OPRM1: variants seen among roughly 807,000 people sequenced by gnomAD.
OPRM1 encodes the protein mu-type opioid receptor.
A neutral mutation model predicts 31.8 loss-of-function variants in OPRM1; 27 were observed. The observed-to-expected ratio is 0.85, with a 90% CI of 0.63 to 1.17. The LOEUF is 1.17. OPRM1 is among the 50% of genes most tolerant of loss of function. The probability of loss-of-function intolerance (pLI) is 0.00; values close to 1 mark genes in which losing one functional copy is unlikely to be tolerated. For missense variants in OPRM1, 536 were observed against 511.1 expected (o/e 1.05, Z -0.47); for synonymous variants, 196 against 189.9 (o/e 1.03, Z -0.26).
rs200778856 is a variant in OPRM1 at position 154,118,741 on chromosome 6, G to A, written c.*20G>A. The A allele has an allele frequency of 2.0e-5, 32 of 1,612,422 alleles. No individual in the cohort carries two copies. In the East Asian group the frequency reaches 4.5e-4, roughly 22 times the overall value. ...CCCTAACAGGGTCTCATGCCATTCCGACCTTCACCAAGCTTAGAAGCCACC... is the reference window on the plus strand; with the variant it reads ...CCCTAACAGGGTCTCATGCCATTCCAACCTTCACCAAGCTTAGAAGCCACC... On this transcript the variant is annotated 3_prime_UTR_variant, in exon 4 of 4. Transcript: ENST00000330432.
intron 1 of OPRM1, among the ~76,000 whole-genome samples, chr6:154,023,490 T>C (rs1483833159): frequency 6.6e-6 from 1 of 152,192 alleles, no homozygotes; most frequent in East Asian, 1.9e-4. Context: ...GATCATATAA[T>C]CTGTAAACAA....
chr6:154,167,149 G>A (rs959837351), intron 3 of OPRM1, among the ~76,000 whole-genome samples: 2 of 152,176 alleles, frequency 1.3e-5, no homozygotes, highest in Non-Finnish European at 2.9e-5. Flanking sequence ...TTCACTTACA[G>A]AATCTATCAA....
At chr6:154,166,843 G>A (rs981177343) in intron 3 of OPRM1, among the ~76,000 whole-genome samples, 18 of 152,114 alleles carry the variant, frequency 1.2e-4, no homozygotes, top group African/African-American at 3.6e-4. Context: ...CATCAGCTTC[G>A]TACATACTGT....
chr6:154,072,614 T>C (rs1194155052), intron 1 of OPRM1, among the ~76,000 whole-genome samples: 1 of 152,150 alleles, frequency 6.6e-6, no homozygotes, highest in Non-Finnish European at 1.5e-5. Context: ...TATAAAGCAA[T>C]AAATCAATGG....
intron 1 of OPRM1, among the ~76,000 whole-genome samples, chr6:154,043,537 GTATATA>G (rs150929749): frequency 1.0e-4 from 14 of 135,986 alleles, no homozygotes; most frequent in Admixed American, 2.8e-4. Context: ...GTGTGTGTGT[GTATATA>G]TATATATATA....
chr6:154,065,109 A>G (rs1785117155), intron 1 of OPRM1, among the ~76,000 whole-genome samples: 1 of 151,958 alleles, frequency 6.6e-6, no homozygotes. Context: ...TTTCCAATCC[A>G]TGAACATGGG....
rs368335458 is a variant in OPRM1 at position 154,212,295 on chromosome 6, G to A, written c.1165-34398G>A. 4.6e-5 allele frequency among the ~76,000 whole-genome samples: 7 copies of A among 152,174 alleles called. No individual in the cohort carries two copies. In the South Asian group the frequency reaches 8.3e-4, roughly 18 times the overall value. ...TTCCTCTCTAGTGAATACACAAATC[G>A]CTCCATGTGCACTTTTAATGCACTA... On this transcript the variant is annotated intron_variant, in intron 3 of 3. Transcript: ENST00000337049.
intron 3 of OPRM1, among the ~76,000 whole-genome samples, chr6:154,152,350 A>AAGAAAGAAAGAAAGAAAG (rs1404771376): frequency 6.9e-6 from 1 of 145,186 alleles, no homozygotes; most frequent in Non-Finnish European, 1.5e-5. Context: ...AAAGAAAGGA[A>AAGAAAGAAAGAAAGAAAG]AGAAAGAAAG....
chr6:154,066,924 G>C (rs1376213964), intron 1 of OPRM1, among the ~76,000 whole-genome samples: 1 of 152,092 alleles, frequency 6.6e-6, no homozygotes, highest in African/African-American at 2.4e-5. Context: ...TACGAACTTG[G>C]TCATTTCATC....
chr6:154,158,542 C>G (rs951712025), intron 3 of OPRM1: 1 of 152,090 alleles, frequency 6.6e-6, no homozygotes, highest in African/African-American at 2.4e-5. Flanking sequence ...GAGTGACTTA[C>G]AAGAGATAGA....
At chr6:154,148,052 C>T (rs1382549421) in intron 3 of OPRM1, among the ~76,000 whole-genome samples, 1 of 152,190 alleles carries the variant, frequency 6.6e-6, no homozygotes, top group Admixed American at 6.5e-5. Flanking sequence ...CTTCAAGAGA[C>T]TTTTTCAAGG....
At chr6:154,053,229 T>G (rs1021236126) in intron 1 of OPRM1, among the ~76,000 whole-genome samples, 3 of 152,196 alleles carry the variant, frequency 2.0e-5, no homozygotes, top group Non-Finnish European at 4.4e-5. Context: ...TCTTCAATCT[T>G]TTGGAAGCTT....
chr6:154,119,433 T>C lies in OPRM1; in HGVS notation c.*712T>C. 1 of 985,456 alleles carries C rather than the reference T, an allele frequency of 1.0e-6. No individual in the cohort carries two copies. The highest frequency in any genetic ancestry group is 1.2e-6 in the Non-Finnish European group (1 of 829,946). 61.0% of individuals were successfully genotyped at this position (985,456 alleles called of 1,614,324 possible). On this transcript the variant is annotated 3_prime_UTR_variant, in exon 4 of 4. Coordinates refer to ENST00000330432, the MANE Select transcript of OPRM1 (RefSeq NM_000914.5). ...AAGAGTCATCATGGGGGATTTTTCA[T>C]TCTTAGGCTTTCAGTGGTTTGTTCC...
At chr6:154,182,886 T>C (rs9479780) in intron 3 of OPRM1, among the ~76,000 whole-genome samples, 96,347 of 152,134 alleles carry the variant, frequency 0.63, 31,441 homozygotes, top group African/African-American at 0.78. Context: ...ACACTTCAGG[T>C]CAAGAACAGG....
chr6:154,117,095 C>G (rs913371325), intron 3 of OPRM1, among the ~76,000 whole-genome samples: 9 of 152,208 alleles, frequency 5.9e-5, no homozygotes, highest in African/African-American at 2.2e-4. Context: ...TGACTCAACT[C>G]TTGTTCATCA....
chr6:154,188,416 C>T lies in OPRM1; in HGVS notation c.1165-58277C>T, dbSNP rs144223948. 2.4e-3 allele frequency among the ~76,000 whole-genome samples: 358 copies of T among 152,238 alleles called. 3 individuals carry two copies. The highest frequency in any genetic ancestry group is 8.3e-3 in the African/African-American group (343 of 41,538). ...TGTACTGGAAAATTTTAGACCATAACGATTTCTGTTTCCCCCAGATTGAAT... is the reference window on the plus strand; with the variant it reads ...TGTACTGGAAAATTTTAGACCATAATGATTTCTGTTTCCCCCAGATTGAAT... On this transcript the variant is annotated intron_variant, in intron 3 of 3. Transcript: ENST00000337049.
At chr6:154,230,881 AC>A (rs1322056116) in intron 3 of OPRM1, among the ~76,000 whole-genome samples, 1 of 152,198 alleles carries the variant, frequency 6.6e-6, no homozygotes, top group Non-Finnish European at 1.5e-5. Flanking sequence ...AGAAAAAAAA[AC>A]AGCTAAAAAA....
At chr6:154,043,098 A>G (rs1007124817) in intron 1 of OPRM1, among the ~76,000 whole-genome samples, 6 of 152,304 alleles carry the variant, frequency 3.9e-5, no homozygotes, top group East Asian at 3.9e-4. Flanking sequence ...TCATGTAGCT[A>G]TGAACATGGT....
intron 1 of OPRM1, among the ~76,000 whole-genome samples, chr6:154,048,016 C>T (rs1781495002): frequency 6.6e-6 from 1 of 152,154 alleles, no homozygotes; most frequent in Non-Finnish European, 1.5e-5. Flanking sequence ...TAATAGTGTT[C>T]ATAATGGCTC....
Sources: allele counts gnomAD v4.1 joint callset (sites outside exome capture counted in the v4.1 genomes callset), GRCh38; gene constraint gnomAD v4.1.1; transcripts MANE v1.5; gene names NCBI Gene and HGNC (gene_info 2026-07-23, HGNC 2026-07-21).